Variants in EDEM3 observed in about 807,000 individuals in gnomAD.
EDEM3 encodes ER degradation enhancing alpha-mannosidase like protein 3, also known as ER degradation-enhancing alpha-mannosidase-like protein 3.
Under a neutral mutation model 110.2 loss-of-function variants are expected in EDEM3, and 60 were observed. That is an observed-to-expected ratio of 0.54 (90% CI 0.44 to 0.67). The LOEUF (loss-of-function observed/expected upper bound fraction) is 0.67, where lower values mean the gene tolerates loss of function less well. Ranked by LOEUF, EDEM3 falls within the 30% of genes least tolerant of loss-of-function variation. EDEM3 has a pLI of 0.00. For missense variants in EDEM3, 996 were observed against 1,121.0 expected (o/e 0.89, Z 1.59); for synonymous variants, 352 against 382.9 (o/e 0.92, Z 0.94).
At chr1:184,716,757 A>C in intron 13 of EDEM3, 131 bp downstream of exon 13, 1 of 1,323,274 alleles carries the variant, frequency 7.6e-7, no homozygotes, top group Non-Finnish European at 1.0e-6. Context: ...GAGTTTAAAA[A>C]AGTAAACACA....
rs544730417 is a variant in EDEM3, at chr1:184,729,548, C to T, written c.613-3159G>A. ...ATATATGAGTTTAAAAAATGACCAA[C>T]TCTTACAATACCATTTCTGTACAGT... On this transcript the variant is annotated intron_variant, in intron 6 of 19. Transcript: ENST00000318130. Among the ~76,000 whole-genome samples the T allele has an allele frequency of 5.1e-3, 773 of 152,268 alleles. 7 individuals carry two copies. Among genetic ancestry groups the T allele is most frequent in the African/African-American group, 0.018 (740 of 41,556 alleles).
chr1:184,738,529 G>T (rs1199202123), intron 2 of EDEM3, among the ~76,000 whole-genome samples: 1 of 152,268 alleles, frequency 6.6e-6, no homozygotes, highest in Middle Eastern at 3.4e-3. Context: ...GTATTTCTAT[G>T]TATCAGATAC....
At chr1:184,701,408 AAAATTATATATGTACTTGAG>A in intron 19 of EDEM3, 1 of 751,288 alleles carries the variant, frequency 1.3e-6, no homozygotes, top group African/African-American at 1.9e-5. Context: ...CCACTGAAAC[AAAATTATATATGTACTTGAG>A]TGTGTGTACA....
chr1:184,721,470 C>T, intron 8 of EDEM3, 84 bp from the exon 9 acceptor site: 2 of 945,936 alleles, frequency 2.1e-6, no homozygotes. Context: ...CTTAGATTAG[C>T]ATTAAATTAA....
intron 2 of EDEM3, among the ~76,000 whole-genome samples, chr1:184,741,651 C>T (rs543985985): frequency 2.0e-5 from 3 of 152,248 alleles, no homozygotes; most frequent in South Asian, 4.1e-4. Flanking sequence ...AATTGATGCA[C>T]AGCATTTTTC....
At chr1:184,705,611 T>C (rs181544352) in intron 18 of EDEM3, among the ~76,000 whole-genome samples, 1 of 152,350 alleles carries the variant, frequency 6.6e-6, no homozygotes, top group East Asian at 1.9e-4. Flanking sequence ...ATAAAATTTA[T>C]GCATCCATTA....
At chr1:184,725,882 A>C (rs944408473) in intron 7 of EDEM3, among the ~76,000 whole-genome samples, 2 of 152,204 alleles carry the variant, frequency 1.3e-5, no homozygotes, top group African/African-American at 4.8e-5. Context: ...AGATTAGTGA[A>C]GGTTTCAGAA....
intron 6 of EDEM3, among the ~76,000 whole-genome samples, chr1:184,728,673 G>A (rs1003238194): frequency 2.0e-5 from 3 of 151,294 alleles, no homozygotes; most frequent in Admixed American, 1.3e-4. Flanking sequence ...GCAGTGGCAC[G>A]ATCTTGGCTC....
chr1:184,723,565 G>A (rs761511516), intron 8 of EDEM3, among the ~76,000 whole-genome samples, 186 bp downstream of exon 8: 43 of 151,940 alleles, frequency 2.8e-4, no homozygotes, highest in Non-Finnish European at 5.0e-4. Context: ...ACTAAATCAT[G>A]TAGAAGAAGT....
At chr1:184,703,712 C>A (rs1437905612) in intron 18 of EDEM3, among the ~76,000 whole-genome samples, 10 of 152,224 alleles carry the variant, frequency 6.6e-5, no homozygotes, top group African/African-American at 1.9e-4. Flanking sequence ...TCAGGGTGCT[C>A]ACTCTCATAG....
At chr1:184,754,096 T>C (rs1652942183) in intron 1 of EDEM3, among the ~76,000 whole-genome samples, 1 of 152,196 alleles carries the variant, frequency 6.6e-6, no homozygotes, top group Non-Finnish European at 1.5e-5. Context: ...TCAGCAACAT[T>C]TTCCCAGTTG....
At chr1:184,752,745 G>A (rs1188585203) in intron 1 of EDEM3, among the ~76,000 whole-genome samples, 1 of 152,188 alleles carries the variant, frequency 6.6e-6, no homozygotes, top group Admixed American at 6.5e-5. Context: ...TCTAATGAAC[G>A]TGCAACATAC....
Position 184,706,749 on chromosome 1 carries a change from TG to T in EDEM3, c.2096del (p.Pro699GlnfsTer4). The T allele has an allele frequency of 1.2e-6, 2 of 1,614,002 alleles. No individual in the cohort carries two copies. The highest frequency in any genetic ancestry group is 1.7e-6 in the Non-Finnish European group (2 of 1,179,926). On this transcript the variant is annotated frameshift_variant, in exon 18 of 20. Transcript: ENST00000318130. LOFTEE classifies it high-confidence loss of function. ...GTGCGATTTTTCCCATCACTGCCTC[TG>T]GGTTAGTAAGCTCTGAACAACCATT... is the stretch of plus-strand genomic sequence containing the variant. Reference protein sequence around the residue: ...PSNGCSELTNPEAVMGKIALI... With the variant: ...PSNGCSELTNXEAVMGKIALI...
chr1:184,710,758 T>C (rs1650183063), intron 15 of EDEM3, among the ~76,000 whole-genome samples: 3 of 152,214 alleles, frequency 2.0e-5, no homozygotes, highest in South Asian at 4.1e-4. Context: ...AAAGTTTGTA[T>C]ATTATCTATA....
intron 19 of EDEM3, among the ~76,000 whole-genome samples, chr1:184,696,719 A>T (rs965095536): frequency 1.3e-5 from 2 of 152,034 alleles, no homozygotes; most frequent in African/African-American, 4.8e-5. Flanking sequence ...GTAGCTGGCT[A>T]CTTACAGCTT....
rs536804973 is a variant in EDEM3, at chr1:184,720,338, T to C, written c.952-770A>G. Among the ~76,000 whole-genome samples the C allele has an allele frequency of 3.9e-5, 6 of 152,210 alleles. No individual in the cohort carries two copies. The South Asian group carries it at 1.2e-3, about 32-fold the overall frequency. ...AATATTGGCCATAGGTTAAAGGCACTGCTCTAATCACTTTGAATGCATAAA... is the reference window on the plus strand; with the variant it reads ...AATATTGGCCATAGGTTAAAGGCACCGCTCTAATCACTTTGAATGCATAAA... On this transcript the variant is annotated intron_variant, in intron 9 of 19. Coordinates refer to ENST00000318130, the MANE Select transcript of EDEM3 (RefSeq NM_025191.4).
At chr1:184,710,277 A>T in intron 16 of EDEM3, 117 bp downstream of exon 16, 1 of 1,249,616 alleles carries the variant, frequency 8.0e-7, no homozygotes, top group Non-Finnish European at 1.1e-6. Context: ...TCATTCTCTC[A>T]CTTTAAACAG....
intron 2 of EDEM3, among the ~76,000 whole-genome samples, chr1:184,748,683 A>G (rs1360588032): frequency 6.6e-6 from 1 of 152,212 alleles, no homozygotes; most frequent in African/African-American, 2.4e-5. Flanking sequence ...ACATATATTT[A>G]GATGTTCATA....
At chr1:184,709,374 A>T (rs1650103202) in intron 16 of EDEM3, among the ~76,000 whole-genome samples, 2 of 152,220 alleles carry the variant, frequency 1.3e-5, no homozygotes, top group Admixed American at 1.3e-4. Context: ...AATAGGTGAC[A>T]CTGTTGAAGA....
Sources: allele counts gnomAD v4.1 joint callset (sites outside exome capture counted in the v4.1 genomes callset), GRCh38; gene constraint gnomAD v4.1.1; transcripts MANE v1.5; gene names NCBI Gene and HGNC (gene_info 2026-07-23, HGNC 2026-07-21).